The following MCPH1 variants were observed in gnomAD, a reference collection of about 807,000 sequenced individuals.
MCPH1 encodes the protein microcephalin.
In MCPH1, 104 loss-of-function variants were observed where a neutral mutation model predicts 84.5. The ratio of observed to expected loss-of-function variants is 1.23; its 90% CI spans 1.05 to 1.45. MCPH1 has a LOEUF of 1.45. Among genes scored for constraint, MCPH1 ranks in the 40% most tolerant of loss-of-function variants. MCPH1 has a pLI of 0.00. For synonymous variants in MCPH1, 514 were observed against 366.8 expected, an observed-to-expected ratio of 1.40 and a Z score of -4.58; for missense variants, 1,498 against 1,005.7, an observed-to-expected ratio of 1.49 and a Z score of -6.62.
intron 12 of MCPH1, among the ~76,000 whole-genome samples, chr8:6,607,527 A>AT (rs1350345489): frequency 1.3e-5 from 2 of 152,198 alleles, no homozygotes; most frequent in Non-Finnish European, 2.9e-5. Flanking sequence ...GAGGAAAGAA[A>AT]TCTTTCCTTC....
At chr8:6,410,031 G>A (rs556275851) in intron 2 of MCPH1, among the ~76,000 whole-genome samples, 2 of 151,982 alleles carry the variant, frequency 1.3e-5, no homozygotes, top group Admixed American at 6.5e-5. Context: ...GTGCAGTGAC[G>A]CGATCTCAGC....
intron 9 of MCPH1, among the ~76,000 whole-genome samples, chr8:6,477,102 A>C (rs1363126815): frequency 6.6e-6 from 1 of 152,214 alleles, no homozygotes; most frequent in Non-Finnish European, 1.5e-5. Context: ...TGTCAATAGA[A>C]CAAATAAGTT....
At chr8:6,518,215 C>T (rs541867731) in intron 12 of MCPH1, among the ~76,000 whole-genome samples, 1 of 152,340 alleles carries the variant, frequency 6.6e-6, no homozygotes, top group African/African-American at 2.4e-5. Context: ...CCCCATTTCA[C>T]ATGCATCCTC....
intron 12 of MCPH1, among the ~76,000 whole-genome samples, chr8:6,517,798 T>A (rs1286581618): frequency 6.6e-6 from 1 of 152,170 alleles, no homozygotes; most frequent in Non-Finnish European, 1.5e-5. Flanking sequence ...GAGCTAGAAT[T>A]TACATCCAAG....
At chr8:6,568,552 C>G (rs554944976) in intron 12 of MCPH1, among the ~76,000 whole-genome samples, 2 of 152,194 alleles carry the variant, frequency 1.3e-5, no homozygotes, top group African/African-American at 4.8e-5. Context: ...CCAGCCTGAC[C>G]CAGGCCCGGG....
intron 12 of MCPH1, among the ~76,000 whole-genome samples, chr8:6,541,929 G>A (rs1255778473): frequency 6.6e-6 from 1 of 151,256 alleles, no homozygotes; most frequent in African/African-American, 2.4e-5. Context: ...GATTGCTTGA[G>A]CCCAGGAGGT....
At chr8:6,553,472 C>T (rs1335162687) in intron 12 of MCPH1, among the ~76,000 whole-genome samples, 2 of 152,050 alleles carry the variant, frequency 1.3e-5, no homozygotes, top group Admixed American at 6.5e-5. Flanking sequence ...GTAATTGCGT[C>T]GGCTTCACAC....
intron 12 of MCPH1, among the ~76,000 whole-genome samples, chr8:6,606,784 C>A (rs1586776698): frequency 6.6e-6 from 1 of 152,270 alleles, no homozygotes; most frequent in African/African-American, 2.4e-5. Context: ...ATCACAGGGA[C>A]AGGTCTTTCT....
chr8:6,625,336 C>G, intron 13 of MCPH1: 1 of 985,458 alleles, frequency 1.0e-6, no homozygotes, highest in Non-Finnish European at 1.2e-6. Context: ...TGACGGTATC[C>G]ATGGATGTGT....
intron 12 of MCPH1, 91 bp downstream of exon 12, chr8:6,500,020 A>C: frequency 9.3e-7 from 1 of 1,074,274 alleles, no homozygotes; most frequent in African/African-American, 1.5e-5. Flanking sequence ...GTTTTTATCC[A>C]GTCAAGCACA....
chr8:6,613,357 C>T (rs1344138917), intron 12 of MCPH1, among the ~76,000 whole-genome samples: 3 of 152,136 alleles, frequency 2.0e-5, no homozygotes, highest in Admixed American at 6.5e-5. Flanking sequence ...TCACCCGCGG[C>T]GATGCCGGTG....
At chr8:6,482,465 G>C (rs924320140) in intron 11 of MCPH1, among the ~76,000 whole-genome samples, 1 of 152,224 alleles carries the variant, frequency 6.6e-6, no homozygotes, top group African/African-American at 2.4e-5. Flanking sequence ...ATCAGTGAAT[G>C]AGTTCTGTGT....
At position 6,473,768 on chromosome 8, in the gene MCPH1, A is replaced by T. The variant is rs1435998749; in HGVS notation, c.1936-3826A>T. ...ACATGAGTTTAATAAAGCGTTCCTG[A>T]TACTTAAACAATTTCTATGATGTCA... On this transcript the variant is annotated intron_variant, in intron 9 of 13. Transcript: ENST00000344683. 24 of 824,202 alleles carry T rather than the reference A, an allele frequency of 2.9e-5. No individual in the cohort carries two copies. In the East Asian group the frequency reaches 6.5e-4, roughly 22 times the overall value. The allele number at this position is 824,202 out of a possible 1,614,324, so 51.1% of individuals were successfully genotyped here.
chr8:6,454,483 A>T (rs1014627624), intron 8 of MCPH1, among the ~76,000 whole-genome samples: 9 of 152,208 alleles, frequency 5.9e-5, no homozygotes, highest in Non-Finnish European at 4.4e-5. Context: ...AGGAAGGGTG[A>T]GAGTAAGAGG....
intron 3 of MCPH1, among the ~76,000 whole-genome samples, chr8:6,417,071 G>C (rs75571181): frequency 6.6e-6 from 1 of 151,888 alleles, no homozygotes; most frequent in Non-Finnish European, 1.5e-5. Context: ...TAAGTGTCTC[G>C]ATATGGTTTT....
intron 12 of MCPH1, among the ~76,000 whole-genome samples, chr8:6,507,191 C>A (rs776501651): frequency 3.3e-5 from 5 of 152,210 alleles, no homozygotes; most frequent in Non-Finnish European, 5.9e-5. Flanking sequence ...GGCCACCATG[C>A]CCAGCCCTAT....
At chr8:6,499,769 CTG>C in intron 11 of MCPH1, 81 bp from the exon 12 acceptor site, 1 of 1,206,564 alleles carries the variant, frequency 8.3e-7, no homozygotes, top group Non-Finnish European at 1.2e-6. Flanking sequence ...TCACTTTTTG[CTG>C]TGTCTTCAAA....
At chr8:6,537,649 C>T (rs1820755109) in intron 12 of MCPH1, among the ~76,000 whole-genome samples, 1 of 151,804 alleles carries the variant, frequency 6.6e-6, no homozygotes, top group Non-Finnish European at 1.5e-5. Flanking sequence ...TCAAATTTGA[C>T]AGGAAAAATA....
At chr8:6,446,969 G>A in intron 8 of MCPH1, 1 of 985,362 alleles carries the variant, frequency 1.0e-6, no homozygotes, top group Non-Finnish European at 1.2e-6. Context: ...GGTGGGGACG[G>A]AGAGGTTTTT....
Sources: allele counts gnomAD v4.1 joint callset (sites outside exome capture counted in the v4.1 genomes callset), GRCh38; gene constraint gnomAD v4.1.1; transcripts MANE v1.5; gene names NCBI Gene and HGNC (gene_info 2026-07-23, HGNC 2026-07-21).